The following AGAP1 variants were observed in gnomAD, a reference collection of about 807,000 sequenced individuals.
AGAP1 encodes the protein arf-GAP with GTPase, ANK repeat and PH domain-containing protein 1.
Under a neutral mutation model 105.3 loss-of-function variants are expected in AGAP1, and 29 were observed. That is an observed-to-expected ratio of 0.28 (90% CI 0.21 to 0.38). The LOEUF (loss-of-function observed/expected upper bound fraction) is 0.38. AGAP1 is among the 10% of genes least tolerant of loss of function. The pLI, the probability that AGAP1 is intolerant of heterozygous loss-of-function variation, is 1.00. For missense variants in AGAP1, 998 were observed against 1,165.1 expected, an observed-to-expected ratio of 0.86 and a Z score of 2.09; for synonymous variants, 509 against 485.9, an observed-to-expected ratio of 1.05 and a Z score of -0.63.
intron 1 of AGAP1, among the ~76,000 whole-genome samples, chr2:235,672,474 A>G (rs1006018240): frequency 3.3e-5 from 5 of 152,206 alleles, no homozygotes; most frequent in Admixed American, 6.5e-5. Context: ...CCCTTGGAGC[A>G]CTTACTTTAG....
Position 235,958,596 on chromosome 2 carries a change from G to A in AGAP1, c.1484-9866G>A, listed in dbSNP as rs895565964. Among the ~76,000 whole-genome samples, 4 of 152,166 alleles carry A rather than the reference G, an allele frequency of 2.6e-5. No homozygotes were observed. Among genetic ancestry groups the A allele is most frequent in the African/African-American group, 9.7e-5 (4 of 41,436 alleles). ...TCAAAAATTGCCCAGCTAATGATCG[G>A]CTGGGCAGATAATCGGAGGAGAGTT... is the stretch of plus-strand genomic sequence containing the variant. On this transcript the variant is annotated intron_variant, in intron 12 of 17. Transcript: ENST00000304032. This position sits in a 1 kb window ranked among gnomAD's most constrained non-coding sequence, Gnocchi z 4.1.
In AGAP1 at chr2:235,689,533, G is replaced by A. The variant is rs1346844612; in HGVS notation, c.164-19646G>A. On this transcript the variant is annotated intron_variant, in intron 1 of 17. Coordinates refer to ENST00000304032, the MANE Select transcript of AGAP1 (RefSeq NM_001037131.3). This position sits in a 1 kb window ranked among gnomAD's most constrained non-coding sequence, Gnocchi z 4.2. ...AGCCAGAGAAAGATGGTACTGTGTGGTGGGGAATTCTGAAAGTCTTAAGTC... is the reference window on the plus strand; with the variant it reads ...AGCCAGAGAAAGATGGTACTGTGTGATGGGGAATTCTGAAAGTCTTAAGTC... 1.3e-5 allele frequency among the ~76,000 whole-genome samples: 2 copies of A among 152,250 alleles called. No homozygotes were observed. The highest frequency in any genetic ancestry group is 2.9e-5 in the Non-Finnish European group (2 of 68,044).
chr2:235,730,293 G>T (rs1259399153), intron 3 of AGAP1, among the ~76,000 whole-genome samples: 1 of 151,938 alleles, frequency 6.6e-6, no homozygotes, highest in African/African-American at 2.4e-5. Context: ...AACTGCCAAG[G>T]GTCCCCTGCT....
chr2:235,607,186 G>GC (rs35440037), intron 1 of AGAP1, among the ~76,000 whole-genome samples: 47,135 of 151,822 alleles, frequency 0.31, 9,279 homozygotes, highest in African/African-American at 0.55. Context: ...CAAATCCAGA[G>GC]CCCCCCCTTC....
chr2:235,617,871 G>A (rs1946358085), intron 1 of AGAP1, among the ~76,000 whole-genome samples: 1 of 152,092 alleles, frequency 6.6e-6, no homozygotes, highest in African/African-American at 2.4e-5. Flanking sequence ...GCATAGTTTT[G>A]GGATATGCAT....
intron 1 of AGAP1, among the ~76,000 whole-genome samples, chr2:235,616,734 A>G (rs1946318932): frequency 1.3e-5 from 2 of 152,226 alleles, no homozygotes; most frequent in African/African-American, 4.8e-5. Flanking sequence ...CACAGAGTAG[A>G]CCCTTAATAA....
intron 9 of AGAP1, among the ~76,000 whole-genome samples, chr2:235,869,420 TAAAAAA>T (rs35813316): frequency 1.4e-4 from 7 of 49,958 alleles, no homozygotes; most frequent in Non-Finnish European, 1.9e-4. Flanking sequence ...CCATCTCTAC[TAAAAAA>T]AAAAAAAAAA....
chr2:235,528,130 A>G (rs1942911236), intron 1 of AGAP1, among the ~76,000 whole-genome samples: 1 of 152,216 alleles, frequency 6.6e-6, no homozygotes, highest in Non-Finnish European at 1.5e-5. Flanking sequence ...GTTTTTAACA[A>G]TAATAGCTAT....
chr2:236,026,701 C>G (rs2057067028), intron 13 of AGAP1, among the ~76,000 whole-genome samples: 1 of 152,130 alleles, frequency 6.6e-6, no homozygotes, highest in Non-Finnish European at 1.5e-5. Flanking sequence ...TGCACTCCAG[C>G]CTGGGCAACA....
At chr2:236,122,340 C>A (rs1317178599) in intron 17 of AGAP1, among the ~76,000 whole-genome samples, 1 of 152,136 alleles carries the variant, frequency 6.6e-6, no homozygotes, top group Non-Finnish European at 1.5e-5. Context: ...AATACAGTCA[C>A]ATTCTAAAGT....
chr2:235,570,614 G>C (rs1170051697), intron 1 of AGAP1, among the ~76,000 whole-genome samples: 1 of 152,170 alleles, frequency 6.6e-6, no homozygotes, highest in East Asian at 1.9e-4. Context: ...TGTGTTTGGT[G>C]GTGGTTTCAG....
chr2:235,622,819 G>A lies in AGAP1; in HGVS notation c.164-86360G>A, dbSNP rs1242362850. ...AGACTTCAGGGCAGGCACACATGTCGCTTCCTGCACCCACACTGGACAGTC... is the reference window on the plus strand; with the variant it reads ...AGACTTCAGGGCAGGCACACATGTCACTTCCTGCACCCACACTGGACAGTC... On this transcript the variant is annotated intron_variant, in intron 1 of 17. Transcript: ENST00000304032. This position sits in a 1 kb window ranked among gnomAD's most constrained non-coding sequence, Gnocchi z 5.0. Among the ~76,000 whole-genome samples, 3 of 152,026 alleles carry A rather than the reference G, an allele frequency of 2.0e-5. No individual in the cohort carries two copies. The highest frequency in any genetic ancestry group is 4.8e-5 in the African/African-American group (2 of 41,382).
At chr2:235,686,535 C>G (rs1194590129) in intron 1 of AGAP1, among the ~76,000 whole-genome samples, 1 of 135,940 alleles carries the variant, frequency 7.4e-6, no homozygotes, top group Non-Finnish European at 1.5e-5. Flanking sequence ...AATTCTGGTT[C>G]CCAGGAAGGA....
chr2:235,972,918 C>T (rs2054712827), intron 13 of AGAP1, among the ~76,000 whole-genome samples: 1 of 151,806 alleles, frequency 6.6e-6, no homozygotes, highest in Non-Finnish European at 1.5e-5. Flanking sequence ...GGAGCCCTCG[C>T]GGCTTCCTGA....
At position 235,718,103 on chromosome 2, in the gene AGAP1, A is replaced by G. The variant is rs142235533; in HGVS notation, c.310+459A>G. Reference sequence around the variant, plus strand: ...GAGTATGTTTCCCCCCTTATATTATAAACATTTAATAATCATTTTGCATGA... The same window carrying G: ...GAGTATGTTTCCCCCCTTATATTATGAACATTTAATAATCATTTTGCATGA... On this transcript the variant is annotated intron_variant, in intron 3 of 17. Coordinates refer to ENST00000304032, the MANE Select transcript of AGAP1 (RefSeq NM_001037131.3). 1.5e-3 allele frequency among the ~76,000 whole-genome samples: 226 copies of G among 152,284 alleles called. 1 individual carries two copies. Among genetic ancestry groups the G allele is most frequent in the African/African-American group, 4.8e-3 (199 of 41,576 alleles).
chr2:235,798,852 C>G (rs1957360971), intron 7 of AGAP1, among the ~76,000 whole-genome samples: 1 of 119,616 alleles, frequency 8.4e-6, no homozygotes, highest in East Asian at 2.4e-4. Flanking sequence ...GCCTGGGTGA[C>G]AGAGTGAGAC....
rs72983005 is a variant in AGAP1 at position 235,788,471 on chromosome 2, T to C, written c.674-9288T>C. Among the ~76,000 whole-genome samples the C allele has an allele frequency of 0.26, 39,128 of 148,216 alleles. 5,416 individuals are homozygous for C. Among genetic ancestry groups the C allele is most frequent in the Admixed American group, 0.4 (6,027 of 14,966 alleles). On this transcript the variant is annotated intron_variant, in intron 6 of 17. Coordinates refer to ENST00000304032, the MANE Select transcript of AGAP1 (RefSeq NM_001037131.3). This position sits in a 1 kb window ranked among gnomAD's most constrained non-coding sequence, Gnocchi z 6.0. Reference sequence around the variant, plus strand: ...GGATGAGAGCAATGCTGAGGGAAGGTGAGGCAGGGTGGGGAGAGGAGTGGG... The same window carrying C: ...GGATGAGAGCAATGCTGAGGGAAGGCGAGGCAGGGTGGGGAGAGGAGTGGG...
At chr2:236,018,787 G>A (rs907814356) in intron 13 of AGAP1, among the ~76,000 whole-genome samples, 7 of 152,190 alleles carry the variant, frequency 4.6e-5, no homozygotes, top group African/African-American at 1.7e-4. Context: ...ATGAGGGCCC[G>A]TTTCTGTGGA....
In AGAP1 at chr2:236,003,042, C is replaced by T. The variant is rs761125869; in HGVS notation, c.1646-33519C>T. Reference sequence around the variant, plus strand: ...CAGAAGTAAGTTAGAAAATTACTCACGTATTCGCCCACTGTGTGCCAACAG... The same window carrying T: ...CAGAAGTAAGTTAGAAAATTACTCATGTATTCGCCCACTGTGTGCCAACAG... On this transcript the variant is annotated intron_variant, in intron 13 of 17. Coordinates refer to ENST00000304032, the MANE Select transcript of AGAP1 (RefSeq NM_001037131.3). This position sits in a 1 kb window ranked among gnomAD's most constrained non-coding sequence, Gnocchi z 4.2. Among the ~76,000 whole-genome samples the T allele has an allele frequency of 5.3e-5, 8 of 152,030 alleles. No homozygotes were observed. The highest frequency in any genetic ancestry group is 7.4e-5 in the Non-Finnish European group (5 of 68,026).
Sources: gnomAD v4.1 joint callset for allele counts (sites outside exome capture counted in the v4.1 genomes callset) on GRCh38, gnomAD v4.1.1 for gene constraint, Gnocchi (gnomAD v3.1) non-coding constraint, MANE v1.5 for transcripts, NCBI Gene and HGNC (gene_info 2026-07-23, HGNC 2026-07-21) for gene names.